The following DRC11 variants were observed in gnomAD, a reference collection of about 807,000 sequenced individuals.
DRC11 encodes dynein regulatory complex subunit 11, also known as IQ and AAA domain-containing protein 1.
chr2:236,337,811 A>G, the DRC11 span, among the ~76,000 whole-genome samples: 2 of 91,814 alleles, frequency 2.2e-5, no homozygotes, highest in African/African-American at 9.4e-5. This position sits in a 1 kb window ranked among gnomAD's most constrained non-coding sequence, Gnocchi z 4.9. Context: ...AGACTGGAAG[A>G]AAAAAAAAAA....
chr2:236,372,539 C>G, the DRC11 span, among the ~76,000 whole-genome samples: 1 of 152,088 alleles, frequency 6.6e-6, no homozygotes, highest in Non-Finnish European at 1.5e-5. This position sits in a 1 kb window ranked among gnomAD's most constrained non-coding sequence, Gnocchi z 4.5. Context: ...TCATTAGCAG[C>G]GAGCTGCACT....
chr2:236,350,219 GT>G, the DRC11 span, among the ~76,000 whole-genome samples: 792 of 152,298 alleles, frequency 5.2e-3, 10 homozygotes, highest in African/African-American at 0.018. This position sits in a 1 kb window ranked among gnomAD's most constrained non-coding sequence, Gnocchi z 5.2. Context: ...TGACTGTGAA[GT>G]TAGCGATTGT....
At chr2:236,443,939 T>A in the DRC11 span, among the ~76,000 whole-genome samples, 1 of 152,140 alleles carries the variant, frequency 6.6e-6, no homozygotes, top group Non-Finnish European at 1.5e-5. This position sits in a 1 kb window ranked among gnomAD's most constrained non-coding sequence, Gnocchi z 4.4. Flanking sequence ...CAATGATCAG[T>A]GATGTTGAGC....
the DRC11 span, among the ~76,000 whole-genome samples, chr2:236,394,206 G>T: frequency 6.6e-6 from 1 of 152,156 alleles, no homozygotes; most frequent in Non-Finnish European, 1.5e-5. The surrounding 1 kb of genome is among the most constrained non-coding windows in gnomAD (Gnocchi z 7.0). Context: ...AAGCCCCAAA[G>T]CAGGTGCATG....
At chr2:236,355,543 G>A in the DRC11 span, among the ~76,000 whole-genome samples, 43 of 152,226 alleles carry the variant, frequency 2.8e-4, no homozygotes, top group East Asian at 1.9e-3. Flanking sequence ...GTCCATACCC[G>A]AGGCTGCACT....
chr2:236,346,072 C>T, the DRC11 span, among the ~76,000 whole-genome samples: 3 of 152,206 alleles, frequency 2.0e-5, no homozygotes, highest in Non-Finnish European at 2.9e-5. Context: ...CCAACACACA[C>T]GGACATTCAG....
At chr2:236,473,369 T>TC in the DRC11 span, among the ~76,000 whole-genome samples, 1 of 152,126 alleles carries the variant, frequency 6.6e-6, no homozygotes, top group Admixed American at 6.5e-5. This position sits in a 1 kb window ranked among gnomAD's most constrained non-coding sequence, Gnocchi z 4.8. Context: ...GTACTTGAGG[T>TC]TAGTTGTTAA....
At chr2:236,457,916 C>A in the DRC11 span, among the ~76,000 whole-genome samples, 1 of 152,190 alleles carries the variant, frequency 6.6e-6, no homozygotes, top group South Asian at 2.1e-4. The surrounding 1 kb of genome is among the most constrained non-coding windows in gnomAD (Gnocchi z 4.7). Context: ...AAGTTGGTGT[C>A]ATTTGTTACA....
At chr2:236,404,409 A>T in the DRC11 span, among the ~76,000 whole-genome samples, 3 of 152,024 alleles carry the variant, frequency 2.0e-5, no homozygotes, top group African/African-American at 7.2e-5. Flanking sequence ...GGGAGTCTGC[A>T]CCCTCTTCAT....
the DRC11 span, among the ~76,000 whole-genome samples, chr2:236,375,471 A>AG: frequency 1.3e-5 from 2 of 152,240 alleles, no homozygotes; most frequent in Non-Finnish European, 2.9e-5. This position sits in a 1 kb window ranked among gnomAD's most constrained non-coding sequence, Gnocchi z 4.2. Flanking sequence ...AACAGAATCA[A>AG]GGTACAGGAG....
At chr2:236,334,167 G>A in the DRC11 span, among the ~76,000 whole-genome samples, 1 of 152,170 alleles carries the variant, frequency 6.6e-6, no homozygotes, top group Admixed American at 6.5e-5. The surrounding 1 kb of genome is among the most constrained non-coding windows in gnomAD (Gnocchi z 7.8). Flanking sequence ...GCAAAACCAG[G>A]CTTGGCTTCC....
chr2:236,469,277 C>T, the DRC11 span, among the ~76,000 whole-genome samples: 1 of 152,218 alleles, frequency 6.6e-6, no homozygotes, highest in African/African-American at 2.4e-5. The surrounding 1 kb of genome is among the most constrained non-coding windows in gnomAD (Gnocchi z 5.8). Flanking sequence ...GCGATCTCAG[C>T]TCACTGCAAC....
chr2:236,358,066 A>C, the DRC11 span, among the ~76,000 whole-genome samples: 1 of 120,400 alleles, frequency 8.3e-6, no homozygotes. Context: ...TATTATATGA[A>C]TATATATTTA....
chr2:236,364,758 C>T, the DRC11 span, among the ~76,000 whole-genome samples: 1 of 152,184 alleles, frequency 6.6e-6, no homozygotes, highest in African/African-American at 2.4e-5. Flanking sequence ...AAATCATTTA[C>T]TATCATGTTA....
chr2:236,325,644 C>T, the DRC11 span, among the ~76,000 whole-genome samples: 2 of 151,296 alleles, frequency 1.3e-5, no homozygotes, highest in African/African-American at 2.4e-5. The surrounding 1 kb of genome is among the most constrained non-coding windows in gnomAD (Gnocchi z 4.4). Flanking sequence ...ACTCTGTAGC[C>T]GAGGCTGGAG....
the DRC11 span, among the ~76,000 whole-genome samples, chr2:236,467,513 T>A: frequency 6.6e-6 from 1 of 152,246 alleles, no homozygotes; most frequent in Non-Finnish European, 1.5e-5. Context: ...GGCATACTCT[T>A]ATATTCCCAG....
At chr2:236,326,771 G>C in the DRC11 span, among the ~76,000 whole-genome samples, 2 of 148,860 alleles carry the variant, frequency 1.3e-5, no homozygotes, top group South Asian at 4.3e-4. Context: ...AAATGTTTTG[G>C]AATTTTGATT....
the DRC11 span, among the ~76,000 whole-genome samples, chr2:236,471,487 G>A: frequency 2.6e-5 from 4 of 152,114 alleles, no homozygotes; most frequent in African/African-American, 9.7e-5. This position sits in a 1 kb window ranked among gnomAD's most constrained non-coding sequence, Gnocchi z 4.6. Context: ...ACTTAAATAG[G>A]TAAAAGATGG....
At chr2:236,397,915 A>T in the DRC11 span, among the ~76,000 whole-genome samples, 1 of 152,260 alleles carries the variant, frequency 6.6e-6, no homozygotes, top group African/African-American at 2.4e-5. The surrounding 1 kb of genome is among the most constrained non-coding windows in gnomAD (Gnocchi z 5.0). Flanking sequence ...TCTCTGGGCT[A>T]GCACTGCACC....
Sources: gnomAD v4.1 joint callset for allele counts (sites outside exome capture counted in the v4.1 genomes callset) on GRCh38, gnomAD v4.1.1 for gene constraint, Gnocchi (gnomAD v3.1) non-coding constraint, MANE v1.5 for transcripts, NCBI Gene and HGNC (gene_info 2026-07-23, HGNC 2026-07-21) for gene names.